Variants in RPSA2 observed in about 807,000 individuals in gnomAD.
The protein encoded by RPSA2 is small ribosomal subunit protein uS2B.
chr19:23,864,717 A>C, the RPSA2 span, among the ~76,000 whole-genome samples: 1 of 152,198 alleles, frequency 6.6e-6, no homozygotes, highest in Non-Finnish European at 1.5e-5. Context: ...ACTAATTTGT[A>C]ATTAGACTAC....
chr19:23,834,064 A>G, the RPSA2 span, among the ~76,000 whole-genome samples: 1 of 152,120 alleles, frequency 6.6e-6, no homozygotes, highest in Non-Finnish European at 1.5e-5. Context: ...AAAATTGTCT[A>G]TGTAAATATC....
chr19:23,821,095 A>G, the RPSA2 span, among the ~76,000 whole-genome samples: 1 of 152,244 alleles, frequency 6.6e-6, no homozygotes, highest in African/African-American at 2.4e-5. Context: ...GGATTTTTAC[A>G]TAGAAGCCCT....
chr19:23,822,305 T>G, the RPSA2 span, among the ~76,000 whole-genome samples: 1 of 152,216 alleles, frequency 6.6e-6, no homozygotes. Flanking sequence ...CCTGAGCATA[T>G]GCCTGGACAT....
chr19:23,758,849 A>G, the RPSA2 span: 1 of 1,547,074 alleles, frequency 6.5e-7, no homozygotes, highest in South Asian at 1.1e-5. Flanking sequence ...GAGGACACAG[A>G]GCAGTGAAGA....
the RPSA2 span, chr19:23,758,714 C>A: frequency 1.2e-6 from 2 of 1,614,196 alleles, no homozygotes; most frequent in South Asian, 2.2e-5. Flanking sequence ...AGCCCCTTCC[C>A]CTCTCTCGGG....
the RPSA2 span, among the ~76,000 whole-genome samples, chr19:23,820,861 C>A: frequency 6.6e-6 from 1 of 152,176 alleles, no homozygotes; most frequent in Non-Finnish European, 1.5e-5. Context: ...TGCAATGTTA[C>A]TACTGCATAC....
At chr19:23,850,880 C>T in the RPSA2 span, among the ~76,000 whole-genome samples, 2 of 152,092 alleles carry the variant, frequency 1.3e-5, no homozygotes, top group Admixed American at 1.3e-4. Context: ...GTTGTTTAGA[C>T]TGTTTGGACA....
chr19:23,766,227 A>G, the RPSA2 span, among the ~76,000 whole-genome samples: 7 of 132,518 alleles, frequency 5.3e-5, no homozygotes, highest in South Asian at 7.0e-4. Flanking sequence ...GTCTCGGCTC[A>G]CTACAACCTC....
the RPSA2 span, among the ~76,000 whole-genome samples, chr19:23,765,754 T>G: frequency 5.1e-3 from 771 of 152,286 alleles, 12 homozygotes; most frequent in African/African-American, 0.018. Context: ...AAATTTGCAA[T>G]GTACCCTTGA....
chr19:23,827,770 C>A, the RPSA2 span: 18 of 1,586,266 alleles, frequency 1.1e-5, no homozygotes, highest in Non-Finnish European at 1.5e-5. Context: ...ATCTGTACTT[C>A]TACAGAGATC....
chr19:23,853,797 C>G, the RPSA2 span, among the ~76,000 whole-genome samples: 1 of 152,182 alleles, frequency 6.6e-6, no homozygotes, highest in Admixed American at 6.5e-5. Flanking sequence ...CCCTTTTGAC[C>G]ATCAGGGCCA....
the RPSA2 span, among the ~76,000 whole-genome samples, chr19:23,791,654 C>T: frequency 6.6e-6 from 1 of 152,164 alleles, no homozygotes; most frequent in Non-Finnish European, 1.5e-5. Flanking sequence ...CTGATATTCC[C>T]AAATGCCAAT....
the RPSA2 span, among the ~76,000 whole-genome samples, chr19:23,857,657 A>ATT: frequency 9.9e-4 from 146 of 147,148 alleles, 1 homozygote; most frequent in South Asian, 0.01. Context: ...CACCTAGCTA[A>ATT]TTTTTTTTTT....
At chr19:23,825,354 TA>T in the RPSA2 span, among the ~76,000 whole-genome samples, 1 of 152,228 alleles carries the variant, frequency 6.6e-6, no homozygotes, top group African/African-American at 2.4e-5. Flanking sequence ...TTTGATTTTT[TA>T]GTATTTATTA....
At chr19:23,856,264 G>C in the RPSA2 span, among the ~76,000 whole-genome samples, 1 of 152,076 alleles carries the variant, frequency 6.6e-6, no homozygotes, top group South Asian at 2.1e-4. Flanking sequence ...ATAATTTCCT[G>C]TCGGGACCAG....
the RPSA2 span, among the ~76,000 whole-genome samples, chr19:23,854,858 G>A: frequency 8.5e-5 from 13 of 152,118 alleles, no homozygotes; most frequent in East Asian, 1.9e-3. Flanking sequence ...TTTAATATAT[G>A]CAGGCAACAC....
the RPSA2 span, among the ~76,000 whole-genome samples, chr19:23,824,123 G>A: frequency 5.9e-5 from 9 of 152,330 alleles, no homozygotes; most frequent in African/African-American, 9.6e-5. Flanking sequence ...AGTGGCACAA[G>A]GCTCCTGGTG....
chr19:23,809,934 C>T, the RPSA2 span, among the ~76,000 whole-genome samples: 1 of 152,046 alleles, frequency 6.6e-6, no homozygotes, highest in African/African-American at 2.4e-5. Context: ...GGAGCAAACA[C>T]CTCTTCAAGA....
At chr19:23,773,224 G>T in the RPSA2 span, among the ~76,000 whole-genome samples, 8 of 151,412 alleles carry the variant, frequency 5.3e-5, no homozygotes, top group Admixed American at 1.3e-4. Context: ...AGCCACTCCA[G>T]TAGCTGGTAC....
Sources: allele counts gnomAD v4.1 joint callset (sites outside exome capture counted in the v4.1 genomes callset), GRCh38; gene constraint gnomAD v4.1.1; transcripts MANE v1.5; gene names NCBI Gene and HGNC (gene_info 2026-07-23, HGNC 2026-07-21).